The following KALRN variants were observed in gnomAD, a reference collection of about 807,000 sequenced individuals.
KALRN encodes the protein kalirin.
Under a neutral mutation model 353.7 loss-of-function variants are expected in KALRN, and 70 were observed. That is an observed-to-expected ratio of 0.20 (90% confidence interval 0.16 to 0.24). The LOEUF (loss-of-function observed/expected upper bound fraction) is 0.24. Among genes scored for constraint, KALRN ranks in the 10% least tolerant of loss-of-function variants. The pLI, the probability that KALRN is intolerant of heterozygous loss-of-function variation, is 1.00. For synonymous variants in KALRN, 1,391 were observed against 1,434.8 expected (o/e 0.97, Z 0.69); for missense variants, 2,791 against 3,756.7 (o/e 0.74, Z 6.72).
At chr3:124,519,122 C>G in intron 33 of KALRN, 1 of 985,656 alleles carries the variant, frequency 1.0e-6, no homozygotes, top group Non-Finnish European at 1.2e-6. Context: ...TAACCTCACT[C>G]CCTCCCGAGG....
chr3:124,544,261 CA>C (rs1356846470), intron 33 of KALRN, among the ~76,000 whole-genome samples: 1 of 152,036 alleles, frequency 6.6e-6, no homozygotes, highest in Non-Finnish European at 1.5e-5. Flanking sequence ...TTTTTCCCTT[CA>C]ATACTTATCA....
chr3:124,302,569 A>G (rs994395020), intron 6 of KALRN, among the ~76,000 whole-genome samples: 38 of 152,288 alleles, frequency 2.5e-4, no homozygotes, highest in African/African-American at 8.7e-4. Flanking sequence ...GTTCTGTTTT[A>G]TTTTCACATG....
At chr3:124,143,667 C>G (rs1217107431) in intron 1 of KALRN, among the ~76,000 whole-genome samples, 1 of 152,040 alleles carries the variant, frequency 6.6e-6, no homozygotes, top group African/African-American at 2.4e-5. Context: ...AGAAACATAC[C>G]AGAAAATACC....
chr3:124,659,343 A>G, intron 42 of KALRN, 22 bp from the exon 43 acceptor site: 2 of 1,553,644 alleles, frequency 1.3e-6, no homozygotes, highest in South Asian at 1.1e-5. Context: ...TTTTTCTTCT[A>G]ATATTGCTGC....
intron 34 of KALRN, among the ~76,000 whole-genome samples, chr3:124,571,173 TG>T (rs2110053281): frequency 6.6e-6 from 1 of 152,346 alleles, no homozygotes; most frequent in Non-Finnish European, 1.5e-5. Flanking sequence ...GCAGATAAAA[TG>T]TTAAACACTT....
At position 124,719,538 on chromosome 3, in the gene KALRN, G is replaced by T; in HGVS notation, c.*68G>T. 3 of 1,400,022 alleles carry T rather than the reference G, an allele frequency of 2.1e-6. No individual in the cohort carries two copies. Among genetic ancestry groups the T allele is most frequent in the South Asian group, 2.6e-5 (2 of 75,676 alleles). The allele number at this position is 1,400,022 out of a possible 1,614,324, so 86.7% of individuals were successfully genotyped here. ...AACCAAAGCAAGACTGAATGTGACTGTAAATAATTCTGTTCATCATTTCAC... is the reference window on the plus strand; with the variant it reads ...AACCAAAGCAAGACTGAATGTGACTTTAAATAATTCTGTTCATCATTTCAC... On this transcript the variant is annotated 3_prime_UTR_variant, in exon 60 of 60. Transcript: ENST00000682506. This position sits in a 1 kb window ranked among gnomAD's most constrained non-coding sequence, Gnocchi z 5.3.
At chr3:124,160,948 A>T (rs1392407858) in intron 1 of KALRN, among the ~76,000 whole-genome samples, 1 of 152,158 alleles carries the variant, frequency 6.6e-6, no homozygotes, top group Non-Finnish European at 1.5e-5. Context: ...AGATAGGGGG[A>T]GTCTTAATCC....
chr3:124,671,736 C>A lies in KALRN; in HGVS notation c.6780C>A (p.Pro2260=), dbSNP rs770481070. The change falls in exon 48 of 60, where the codon CCC becomes CCA. Residue 2260 remains proline, a synonymous_variant. Coordinates refer to ENST00000682506, the MANE Select transcript of KALRN (RefSeq NM_001388419.1). The stretch of plus-strand genomic sequence containing the variant: ...TGAGGTCTCAACCTGCCAGGCTTCC[C>A]CAAGCCAGCCCCAGGCCCTACTCCT... ...AVMRSQPARL[P]QASPRPYSSV... 1 of 1,614,098 alleles carries A rather than the reference C, an allele frequency of 6.2e-7. No homozygotes were observed. Among genetic ancestry groups the A allele is most frequent in the Admixed American group, 1.7e-5 (1 of 60,018 alleles).
At chr3:124,332,523 T>C (rs1186426696) in intron 8 of KALRN, among the ~76,000 whole-genome samples, 1 of 152,106 alleles carries the variant, frequency 6.6e-6, no homozygotes, top group East Asian at 1.9e-4. Context: ...GTCATCCCTG[T>C]TTTAAATTGG....
At chr3:124,657,029 C>T (rs773195240) in intron 39 of KALRN, among the ~76,000 whole-genome samples, 10 of 152,156 alleles carry the variant, frequency 6.6e-5, no homozygotes, top group African/African-American at 1.2e-4. Context: ...TGCTACCTGT[C>T]CAACCTCAAA....
chr3:124,489,907 T>C (rs1388699743), intron 29 of KALRN, among the ~76,000 whole-genome samples: 1 of 152,216 alleles, frequency 6.6e-6, no homozygotes, highest in Non-Finnish European at 1.5e-5. Flanking sequence ...CTTCAAGTGG[T>C]ATAAATATAA....
chr3:124,265,168 T>A (rs2073354556), intron 4 of KALRN, among the ~76,000 whole-genome samples: 1 of 152,138 alleles, frequency 6.6e-6, no homozygotes. Flanking sequence ...ATTACAGTTC[T>A]CTTCTAGCTT....
At chr3:124,353,473 T>C (rs565857042) in intron 10 of KALRN, among the ~76,000 whole-genome samples, 89 of 152,234 alleles carry the variant, frequency 5.8e-4, no homozygotes, top group African/African-American at 2.0e-3. Flanking sequence ...GCATCAAACA[T>C]GTTCTAACCC....
intron 1 of KALRN, among the ~76,000 whole-genome samples, chr3:124,180,634 T>G (rs2073436819): frequency 6.6e-6 from 1 of 152,074 alleles, no homozygotes; most frequent in Non-Finnish European, 1.5e-5. Context: ...ACCTCCCTCG[T>G]TGGACTCATG....
chr3:124,610,465 G>A lies in KALRN; in HGVS notation c.5183-21955G>A, dbSNP rs1013308279. ...GAGTAATTGTAGAGGGCTCTGGGGGGACAAGGGGTTGTCCCTAGTTGTCTG... is the reference window on the plus strand; with the variant it reads ...GAGTAATTGTAGAGGGCTCTGGGGGAACAAGGGGTTGTCCCTAGTTGTCTG... On this transcript the variant is annotated intron_variant, in intron 34 of 59. Coordinates refer to ENST00000682506, the MANE Select transcript of KALRN (RefSeq NM_001388419.1). Among the ~76,000 whole-genome samples, 5 of 152,306 alleles carry A rather than the reference G, an allele frequency of 3.3e-5. No individual in the cohort carries two copies. The East Asian group carries it at 7.7e-4, about 23-fold the overall frequency.
Position 124,295,325 on chromosome 3 carries a change from C to T in KALRN, c.970-3466C>T, listed in dbSNP as rs141795846. On this transcript the variant is annotated intron_variant, in intron 5 of 59. Coordinates refer to ENST00000682506, the MANE Select transcript of KALRN (RefSeq NM_001388419.1). ...TAAACTTTTCCAGAATGTCCCAGAC[C>T]CCAGTGACAAGCTTGTATGCTCCAA... Among the ~76,000 whole-genome samples the T allele has an allele frequency of 2.6e-5, 4 of 152,260 alleles. No homozygotes were observed. The East Asian group carries it at 7.7e-4, about 29-fold the overall frequency.
At chr3:124,202,101 A>G (rs2075991999) in intron 1 of KALRN, among the ~76,000 whole-genome samples, 1 of 152,252 alleles carries the variant, frequency 6.6e-6, no homozygotes, top group Non-Finnish European at 1.5e-5. Flanking sequence ...GAGCTAGCTC[A>G]GGTTGCAAGT....
Position 124,704,225 on chromosome 3 carries a change from C to T in KALRN, c.8075+2109C>T, listed in dbSNP as rs187966207. 9.9e-5 allele frequency among the ~76,000 whole-genome samples: 15 copies of T among 152,180 alleles called. No individual in the cohort carries two copies. In the East Asian group the frequency reaches 1.9e-3, roughly 20 times the overall value. ...CTAAACATGACCCCCAATAATGGGC[C>T]GATTAAATCCCCAGCTAGTTCTAAA... On this transcript the variant is annotated intron_variant, in intron 57 of 59. Coordinates refer to ENST00000682506, the MANE Select transcript of KALRN (RefSeq NM_001388419.1).
intron 33 of KALRN, among the ~76,000 whole-genome samples, chr3:124,541,899 A>AT (rs2069075672): frequency 7.6e-6 from 1 of 131,726 alleles, no homozygotes; most frequent in Non-Finnish European, 1.6e-5. Flanking sequence ...CTAAAAAAAA[A>AT]GGTAGCCCAG....
Sources: allele counts gnomAD v4.1 joint callset (sites outside exome capture counted in the v4.1 genomes callset), GRCh38; gene constraint gnomAD v4.1.1; non-coding constraint Gnocchi (gnomAD v3.1); transcripts MANE v1.5; gene names NCBI Gene and HGNC (gene_info 2026-07-23, HGNC 2026-07-21).